ANAPC1: variants seen among roughly 807,000 people sequenced by gnomAD.
ANAPC1 encodes the protein anaphase-promoting complex subunit 1.
A neutral mutation model predicts 208.0 loss-of-function variants in ANAPC1; 36 were observed. The ratio of observed to expected loss-of-function variants is 0.17; its 90% CI spans 0.13 to 0.23. ANAPC1 has a LOEUF of 0.23. Among genes scored for constraint, ANAPC1 ranks in the 10% least tolerant of loss-of-function variants. ANAPC1 has a pLI of 1.00. For synonymous variants in ANAPC1, 378 were observed against 695.2 expected (o/e 0.54, Z 7.18); for missense variants, 942 against 2,011.6 (o/e 0.47, Z 10.17).
chr2:111,836,344 GAAATT>G (rs1042152047), intron 18 of ANAPC1, among the ~76,000 whole-genome samples: 4 of 150,838 alleles, frequency 2.7e-5, no homozygotes, highest in Non-Finnish European at 4.4e-5. Context: ...TAATTTAAAA[GAAATT>G]AAATTAAATT....
chr2:111,835,705 G>A (rs2104472647), intron 18 of ANAPC1, among the ~76,000 whole-genome samples: 1 of 152,228 alleles, frequency 6.6e-6, no homozygotes, highest in Admixed American at 6.5e-5. Context: ...GCCGGGTGTG[G>A]TGGCGGGCGC....
intron 39 of ANAPC1, among the ~76,000 whole-genome samples, chr2:111,787,602 GC>G (rs1677633692): frequency 6.6e-6 from 1 of 152,114 alleles, no homozygotes; most frequent in South Asian, 2.1e-4. Flanking sequence ...TTTATTCTCT[GC>G]CCCCATATGC....
intron 13 of ANAPC1, among the ~76,000 whole-genome samples, chr2:111,854,129 C>T (rs575816657): frequency 6.6e-6 from 1 of 152,200 alleles, no homozygotes; most frequent in Non-Finnish European, 1.5e-5. Flanking sequence ...TACTCCTTCA[C>T]AGGCTGCAGA....
At chr2:111,829,519 C>T (rs541665190) in intron 21 of ANAPC1, among the ~76,000 whole-genome samples, 1 of 152,258 alleles carries the variant, frequency 6.6e-6, no homozygotes, top group Non-Finnish European at 1.5e-5. Context: ...TATGAGCAGG[C>T]TGCTCCAGGA....
Position 111,770,853 on chromosome 2 carries a change from C to G in ANAPC1, c.5720-1447G>C, listed in dbSNP as rs566266900. 2.0e-4 allele frequency among the ~76,000 whole-genome samples: 30 copies of G among 151,272 alleles called. 1 individual carries two copies. In the South Asian group the frequency reaches 5.9e-3, roughly 30 times the overall value. Reference sequence around the variant, plus strand: ...ACATTAGACATAGTTATTTTAAGTTCCAGTATGATAACTCCAATATCTGAA... The same window carrying G: ...ACATTAGACATAGTTATTTTAAGTTGCAGTATGATAACTCCAATATCTGAA... On this transcript the variant is annotated intron_variant, in intron 47 of 47. Transcript: ENST00000341068.
intron 10 of ANAPC1, among the ~76,000 whole-genome samples, chr2:111,860,229 G>T (rs1340666079): frequency 6.6e-6 from 1 of 151,868 alleles, no homozygotes; most frequent in Non-Finnish European, 1.5e-5. Context: ...AGCCCAGAAG[G>T]CCAAGGCTGC....
chr2:111,777,169 G>C (rs1048508479), intron 45 of ANAPC1, 112 bp from the exon 46 acceptor site: 2 of 636,704 alleles, frequency 3.1e-6, no homozygotes, highest in Admixed American at 2.6e-5. Flanking sequence ...AAAGGGTCGG[G>C]GGGTGGTCCA....
At chr2:111,814,940 C>T (rs1444982378) in intron 28 of ANAPC1, among the ~76,000 whole-genome samples, 1 of 151,768 alleles carries the variant, frequency 6.6e-6, no homozygotes, top group East Asian at 1.9e-4. Flanking sequence ...CCTGCCCTTC[C>T]CCAGTTGGTC....
chr2:111,829,171 G>A (rs1434448441), intron 21 of ANAPC1, among the ~76,000 whole-genome samples: 1 of 152,112 alleles, frequency 6.6e-6, no homozygotes, highest in Non-Finnish European at 1.5e-5. Flanking sequence ...CCGAGATTGT[G>A]CCACTGCACT....
Position 111,768,240 on chromosome 2 carries a change from C to G in ANAPC1, c.*1051G>C, listed in dbSNP as rs991526766. The stretch of plus-strand genomic sequence containing the variant: ...TTATATGAACATTTTTCATCATCAT[C>G]TAGTCCAGAAATCCCTCCTTTTATA... On this transcript the variant is annotated 3_prime_UTR_variant, in exon 48 of 48. Transcript: ENST00000341068. 4 of 152,222 alleles carry G rather than the reference C, an allele frequency of 2.6e-5. No individual in the cohort carries two copies. The highest frequency in any genetic ancestry group is 2.0e-4 in the Admixed American group (3 of 15,280). 9.4% of individuals were successfully genotyped at this position (152,222 alleles called of 1,614,324 possible).
chr2:111,869,872 C>G (rs1682646977), intron 6 of ANAPC1, among the ~76,000 whole-genome samples: 1 of 152,182 alleles, frequency 6.6e-6, no homozygotes. Context: ...TCTTCCCACC[C>G]TCCTCCTTCT....
chr2:111,853,135 AT>A (rs897082306), intron 13 of ANAPC1, among the ~76,000 whole-genome samples: 1 of 151,880 alleles, frequency 6.6e-6, no homozygotes, highest in Non-Finnish European at 1.5e-5. Flanking sequence ...GTTCCTGGTC[AT>A]TTTTTTTTCC....
chr2:111,874,977 C>T (rs544403881), intron 3 of ANAPC1, among the ~76,000 whole-genome samples: 1 of 152,328 alleles, frequency 6.6e-6, no homozygotes, highest in African/African-American at 2.4e-5. Flanking sequence ...CACCACCATG[C>T]CTGGCTACAC....
intron 6 of ANAPC1, among the ~76,000 whole-genome samples, chr2:111,870,040 G>A (rs1189032973): frequency 6.6e-6 from 1 of 152,186 alleles, no homozygotes; most frequent in Admixed American, 6.5e-5. Flanking sequence ...TGCTGCAAAA[G>A]ACATTATTTC....
intron 14 of ANAPC1, among the ~76,000 whole-genome samples, 193 bp from the exon 15 acceptor site, chr2:111,848,058 G>T (rs1440087605): frequency 6.6e-6 from 1 of 151,608 alleles, no homozygotes; most frequent in Non-Finnish European, 1.5e-5. Flanking sequence ...TGAGACAGGA[G>T]AATCACTTAA....
intron 20 of ANAPC1, among the ~76,000 whole-genome samples, chr2:111,831,792 G>C (rs557138177): frequency 8.4e-6 from 1 of 118,738 alleles, no homozygotes; most frequent in East Asian, 2.5e-4. Context: ...AGTGAGCCGA[G>C]ATCACGCCTA....
At chr2:111,799,021 A>G (rs930932819) in intron 34 of ANAPC1, among the ~76,000 whole-genome samples, 8 of 151,564 alleles carry the variant, frequency 5.3e-5, no homozygotes, top group Middle Eastern at 3.4e-3. Context: ...GCGACAGAGC[A>G]AGACTCCATC....
chr2:111,832,305 GAAAAAAAA>G (rs11431305), intron 20 of ANAPC1, among the ~76,000 whole-genome samples: 1 of 76,822 alleles, frequency 1.3e-5, no homozygotes, highest in Non-Finnish European at 2.8e-5. Context: ...CCTGTCTCAA[GAAAAAAAA>G]AAAAAAAAAA....
intron 27 of ANAPC1, among the ~76,000 whole-genome samples, chr2:111,817,721 G>A (rs1035269885): frequency 2.1e-5 from 3 of 141,140 alleles, no homozygotes; most frequent in African/African-American, 7.7e-5. Context: ...CATATATTAT[G>A]TACTATTTAT....
Sources: allele counts gnomAD v4.1 joint callset (sites outside exome capture counted in the v4.1 genomes callset), GRCh38; gene constraint gnomAD v4.1.1; transcripts MANE v1.5; gene names NCBI Gene and HGNC (gene_info 2026-07-23, HGNC 2026-07-21).